Variants in PCP4 observed in about 807,000 individuals in gnomAD.
PCP4 encodes the protein calmodulin regulator protein PCP4.
In PCP4, 8 loss-of-function variants were observed where a neutral mutation model predicts 10.0. The ratio of observed to expected loss-of-function variants is 0.80; its 90% CI spans 0.47 to 1.45. The LOEUF is 1.45. Among genes scored for constraint, PCP4 ranks in the 40% most tolerant of loss-of-function variants. The pLI is 0.00. For synonymous variants in PCP4, 21 were observed against 23.0 expected, an observed-to-expected ratio of 0.91 and a Z score of 0.24; for missense variants, 54 against 74.4, an observed-to-expected ratio of 0.73 and a Z score of 1.01.
intron 1 of PCP4, among the ~76,000 whole-genome samples, chr21:39,880,667 C>T (rs1322612899): frequency 6.6e-6 from 1 of 152,212 alleles, no homozygotes; most frequent in African/African-American, 2.4e-5. Flanking sequence ...GTCCTCACTT[C>T]TTCTTCCTGA....
At chr21:39,909,031 G>T (rs1277803832) in intron 2 of PCP4, among the ~76,000 whole-genome samples, 1 of 152,090 alleles carries the variant, frequency 6.6e-6, no homozygotes, top group Non-Finnish European at 1.5e-5. Context: ...CAGGGGAATT[G>T]CTCTTTTCTG....
At chr21:39,927,376 C>CATA (rs2087630099) in intron 2 of PCP4, among the ~76,000 whole-genome samples, 1 of 149,946 alleles carries the variant, frequency 6.7e-6, no homozygotes, top group African/African-American at 2.5e-5. Flanking sequence ...TATCATCTAT[C>CATA]TATCTATCTA....
chr21:39,890,475 C>A (rs1408266220), intron 1 of PCP4, among the ~76,000 whole-genome samples: 4 of 152,000 alleles, frequency 2.6e-5, no homozygotes, highest in African/African-American at 7.3e-5. Context: ...CCTGCCCCAG[C>A]CTCCAGAGTG....
chr21:39,896,744 C>T (rs532844341), intron 1 of PCP4, among the ~76,000 whole-genome samples: 9 of 152,146 alleles, frequency 5.9e-5, no homozygotes, highest in Admixed American at 3.3e-4. Context: ...CAAGGTTTTC[C>T]GAGATGATAC....
At chr21:39,874,041 C>T (rs1476578176) in intron 1 of PCP4, among the ~76,000 whole-genome samples, 2 of 152,158 alleles carry the variant, frequency 1.3e-5, no homozygotes, top group Non-Finnish European at 2.9e-5. Flanking sequence ...TTACTCTTAA[C>T]CTGCCATTTT....
intron 2 of PCP4, among the ~76,000 whole-genome samples, chr21:39,923,565 A>C (rs71318504): frequency 0.23 from 35,135 of 152,128 alleles, 4,124 homozygotes; most frequent in African/African-American, 0.26. Context: ...ATTTAGTCTA[A>C]AATGCTGCTC....
chr21:39,928,472 A>G (rs2087635530), intron 2 of PCP4, among the ~76,000 whole-genome samples: 1 of 152,194 alleles, frequency 6.6e-6, no homozygotes, highest in Admixed American at 6.5e-5. Flanking sequence ...GTGAAGGTCA[A>G]ATGGTGTCAT....
At chr21:39,885,493 G>A (rs1355077300) in intron 1 of PCP4, among the ~76,000 whole-genome samples, 1 of 152,208 alleles carries the variant, frequency 6.6e-6, no homozygotes, top group Non-Finnish European at 1.5e-5. Context: ...GCTCGGGGCT[G>A]GAGAAACAGT....
chr21:39,912,707 C>CTATTTT (rs1311622714), intron 2 of PCP4, among the ~76,000 whole-genome samples: 1 of 152,024 alleles, frequency 6.6e-6, no homozygotes, highest in Non-Finnish European at 1.5e-5. Context: ...TTAATTTAAT[C>CTATTTT]TATTTTTATT....
intron 1 of PCP4, among the ~76,000 whole-genome samples, chr21:39,877,147 C>A (rs1186216179): frequency 6.6e-6 from 1 of 152,178 alleles, no homozygotes; most frequent in Non-Finnish European, 1.5e-5. Flanking sequence ...TTCTTTTAAA[C>A]CTGTCCAAAT....
chr21:39,916,533 A>C (rs1377052187), intron 2 of PCP4, among the ~76,000 whole-genome samples: 1 of 152,172 alleles, frequency 6.6e-6, no homozygotes, highest in African/African-American at 2.4e-5. Flanking sequence ...CCATTATTCA[A>C]CCATTGTGGA....
chr21:39,928,899 C>T, intron 2 of PCP4, 85 bp from the exon 3 acceptor site: 1 of 1,399,894 alleles, frequency 7.1e-7, no homozygotes, highest in Non-Finnish European at 9.9e-7. Flanking sequence ...AGGTGGACTT[C>T]CTGGCTTCAC....
intron 1 of PCP4, among the ~76,000 whole-genome samples, chr21:39,889,411 C>CTTTTTT (rs547540626): frequency 1.2e-5 from 1 of 85,684 alleles, no homozygotes. Context: ...AAACCAAGTT[C>CTTTTTT]TTTTTTTTTT....
At chr21:39,928,551 C>T (rs1217603084) in intron 2 of PCP4, among the ~76,000 whole-genome samples, 2 of 152,194 alleles carry the variant, frequency 1.3e-5, no homozygotes, top group Non-Finnish European at 1.5e-5. Flanking sequence ...GAATGACACA[C>T]AGAATTATAC....
chr21:39,912,159 C>G (rs1324074637), intron 2 of PCP4, among the ~76,000 whole-genome samples: 2 of 152,160 alleles, frequency 1.3e-5, no homozygotes, highest in Non-Finnish European at 2.9e-5. Context: ...TTCTTGACAT[C>G]AGCCTCTGTT....
At chr21:39,911,627 G>A (rs988708963) in intron 2 of PCP4, among the ~76,000 whole-genome samples, 1 of 152,220 alleles carries the variant, frequency 6.6e-6, no homozygotes, top group Non-Finnish European at 1.5e-5. Flanking sequence ...CAAGCACTAG[G>A]GGAAACCTCA....
intron 2 of PCP4, among the ~76,000 whole-genome samples, chr21:39,922,851 C>G (rs1466029205): frequency 1.3e-5 from 2 of 152,208 alleles, no homozygotes; most frequent in Non-Finnish European, 2.9e-5. Context: ...AGGTGATGGA[C>G]TTGGCTGATG....
intron 1 of PCP4, among the ~76,000 whole-genome samples, chr21:39,879,267 G>A (rs1490222433): frequency 1.3e-5 from 2 of 152,122 alleles, no homozygotes; most frequent in African/African-American, 2.4e-5. Context: ...GGGATTGTAG[G>A]CATTAAGCCA....
At chr21:39,877,223 G>C (rs569924117) in intron 1 of PCP4, among the ~76,000 whole-genome samples, 1 of 152,140 alleles carries the variant, frequency 6.6e-6, no homozygotes, top group African/African-American at 2.4e-5. Context: ...TATTAGCCTT[G>C]AGTAAAAAAA....
Sources: gnomAD v4.1 joint callset for allele counts (sites outside exome capture counted in the v4.1 genomes callset) on GRCh38, gnomAD v4.1.1 for gene constraint, MANE v1.5 for transcripts, NCBI Gene and HGNC (gene_info 2026-07-23, HGNC 2026-07-21) for gene names.